PLXDC2: variants seen among roughly 807,000 people sequenced by gnomAD.
PLXDC2 encodes plexin domain containing 2, also known as plexin domain-containing protein 2.
Under a neutral mutation model 68.9 loss-of-function variants are expected in PLXDC2, and 40 were observed. The observed-to-expected ratio is 0.58, with a 90% CI of 0.45 to 0.76. PLXDC2 has a LOEUF of 0.76. Ranked by LOEUF, PLXDC2 falls within the 30% of genes least tolerant of loss-of-function variation. The probability of loss-of-function intolerance (pLI) is 0.00; values close to 1 mark genes in which losing one functional copy is unlikely to be tolerated. For missense variants in PLXDC2, 644 were observed against 661.9 expected (o/e 0.97, Z 0.30); for synonymous variants, 243 against 234.2 (o/e 1.04, Z -0.34).
intron 1 of PLXDC2, among the ~76,000 whole-genome samples, chr10:19,846,022 G>A (rs1167221678): frequency 2.0e-5 from 3 of 152,104 alleles, no homozygotes; most frequent in Non-Finnish European, 4.4e-5. Flanking sequence ...ATCTATGGAG[G>A]CTATTTATTT....
intron 1 of PLXDC2, among the ~76,000 whole-genome samples, chr10:19,820,559 G>A (rs866766970): frequency 1.3e-5 from 2 of 151,804 alleles, no homozygotes; most frequent in South Asian, 2.1e-4. Flanking sequence ...GCGGGAACCC[G>A]GGAAGCGGAG....
At chr10:20,189,560 T>C (rs112356191) in intron 9 of PLXDC2, among the ~76,000 whole-genome samples, 1 of 132,224 alleles carries the variant, frequency 7.6e-6, no homozygotes, top group Non-Finnish European at 1.7e-5. Context: ...CACACACATA[T>C]ATATATATAC....
chr10:19,972,019 A>G (rs1328959967), intron 1 of PLXDC2, among the ~76,000 whole-genome samples: 2 of 152,116 alleles, frequency 1.3e-5, no homozygotes, highest in African/African-American at 4.8e-5. Context: ...AGGTCCAGTA[A>G]TTACCTGGGG....
At chr10:19,979,130 T>A (rs1834506165) in intron 1 of PLXDC2, among the ~76,000 whole-genome samples, 1 of 152,282 alleles carries the variant, frequency 6.6e-6, no homozygotes, top group African/African-American at 2.4e-5. Flanking sequence ...AACCAAACAT[T>A]CATAAACTTC....
intron 13 of PLXDC2, among the ~76,000 whole-genome samples, chr10:20,258,381 GCTCC>G (rs1835769797): frequency 6.6e-6 from 1 of 152,034 alleles, no homozygotes; most frequent in Non-Finnish European, 1.5e-5. Context: ...TAGCATGTAA[GCTCC>G]AGTTACACAA....
At chr10:20,148,134 A>G (rs1008913274) in intron 6 of PLXDC2, among the ~76,000 whole-genome samples, 2 of 152,334 alleles carry the variant, frequency 1.3e-5, no homozygotes, top group African/African-American at 4.8e-5. Context: ...TCAATTTCAT[A>G]AAATTATTGA....
chr10:19,924,158 T>C (rs1833503310), intron 1 of PLXDC2, among the ~76,000 whole-genome samples: 1 of 152,212 alleles, frequency 6.6e-6, no homozygotes, highest in Admixed American at 6.5e-5. Flanking sequence ...AATCAGGGTC[T>C]CAGTCAGACT....
At chr10:20,206,698 A>G (rs1247730982) in intron 9 of PLXDC2, among the ~76,000 whole-genome samples, 2 of 152,172 alleles carry the variant, frequency 1.3e-5, no homozygotes, top group East Asian at 3.9e-4. Flanking sequence ...TCCAATTGCC[A>G]GAGAATCTTA....
intron 13 of PLXDC2, among the ~76,000 whole-genome samples, chr10:20,250,271 CAA>C (rs35463564): frequency 1.9e-4 from 21 of 108,442 alleles, no homozygotes; most frequent in East Asian, 3.3e-4. Context: ...GATCCTGTTT[CAA>C]AAAAAAAAAA....
chr10:20,204,136 A>G (rs1834959065), intron 9 of PLXDC2, among the ~76,000 whole-genome samples: 1 of 152,122 alleles, frequency 6.6e-6, no homozygotes, highest in Admixed American at 6.6e-5. Flanking sequence ...TTAGAAATGT[A>G]CTTGTCCATT....
At chr10:19,966,266 A>G (rs1196285544) in intron 1 of PLXDC2, among the ~76,000 whole-genome samples, 1 of 147,976 alleles carries the variant, frequency 6.8e-6, no homozygotes, top group East Asian at 2.0e-4. Flanking sequence ...AGTATGTGTA[A>G]GTACACATAT....
intron 9 of PLXDC2, among the ~76,000 whole-genome samples, chr10:20,203,961 G>A (rs891833851): frequency 1.3e-5 from 2 of 152,090 alleles, no homozygotes; most frequent in Non-Finnish European, 2.9e-5. Context: ...CCACCTTCTT[G>A]CATATTCTAA....
At chr10:20,253,338 C>A (rs1416841417) in intron 13 of PLXDC2, among the ~76,000 whole-genome samples, 4 of 150,082 alleles carry the variant, frequency 2.7e-5, no homozygotes, top group Non-Finnish European at 4.4e-5. Flanking sequence ...GCACTCCAGC[C>A]TGAGCAACAG....
chr10:19,953,980 A>G (rs901548225), intron 1 of PLXDC2, among the ~76,000 whole-genome samples: 2 of 152,338 alleles, frequency 1.3e-5, no homozygotes, highest in East Asian at 3.9e-4. Context: ...AAAATCGTGC[A>G]TTTAAATCAT....
chr10:20,210,437 G>A (rs907373821), intron 9 of PLXDC2, among the ~76,000 whole-genome samples: 5 of 152,100 alleles, frequency 3.3e-5, no homozygotes, highest in Non-Finnish European at 7.4e-5. Context: ...AATGTGCTCT[G>A]GATAGTAATT....
chr10:20,235,846 A>C (rs1335007768), intron 12 of PLXDC2, among the ~76,000 whole-genome samples: 1 of 152,244 alleles, frequency 6.6e-6, no homozygotes, highest in African/African-American at 2.4e-5. Context: ...AATTGATAGA[A>C]TAAATGGCAC....
chr10:20,251,640 A>G (rs776289634), intron 13 of PLXDC2, among the ~76,000 whole-genome samples: 2 of 152,164 alleles, frequency 1.3e-5, no homozygotes, highest in African/African-American at 2.4e-5. Flanking sequence ...ATAAAATGTA[A>G]TCTAACTGAA....
At chr10:19,909,217 A>G (rs1182207778) in intron 1 of PLXDC2, among the ~76,000 whole-genome samples, 1 of 152,192 alleles carries the variant, frequency 6.6e-6, no homozygotes, top group Non-Finnish European at 1.5e-5. Flanking sequence ...AACCTCAGGG[A>G]TGTTGGTAAA....
chr10:19,994,472 G>C (rs1834809501), intron 1 of PLXDC2, among the ~76,000 whole-genome samples: 1 of 151,042 alleles, frequency 6.6e-6, no homozygotes, highest in Non-Finnish European at 1.5e-5. Flanking sequence ...GGGACTGCAG[G>C]CACACACCAC....
Sources: allele counts gnomAD v4.1 joint callset (sites outside exome capture counted in the v4.1 genomes callset), GRCh38; gene constraint gnomAD v4.1.1; transcripts MANE v1.5; gene names NCBI Gene and HGNC (gene_info 2026-07-23, HGNC 2026-07-21).